PLSCR4: variants seen among roughly 807,000 people sequenced by gnomAD.
PLSCR4 encodes Ca(2+)-dependent phospholipid scramblase 4.
A neutral mutation model predicts 36.3 loss-of-function variants in PLSCR4; 25 were observed. The observed-to-expected ratio is 0.69, with a 90% confidence interval of 0.50 to 0.96. The LOEUF is 0.96. Ranked by LOEUF, PLSCR4 falls within the 40% of genes least tolerant of loss-of-function variation. The pLI is 0.00. For synonymous variants in PLSCR4, 122 were observed against 132.9 expected, an observed-to-expected ratio of 0.92 and a Z score of 0.56; for missense variants, 408 against 414.7, an observed-to-expected ratio of 0.98 and a Z score of 0.14.
At chr3:146,208,595 G>A (rs1223553440) in intron 3 of PLSCR4, among the ~76,000 whole-genome samples, 1 of 152,084 alleles carries the variant, frequency 6.6e-6, no homozygotes, top group Non-Finnish European at 1.5e-5. Flanking sequence ...ATCAAAAAGT[G>A]GGATAAGGAC....
At chr3:146,226,904 C>G (rs1309776103) in intron 1 of PLSCR4, among the ~76,000 whole-genome samples, 1 of 152,224 alleles carries the variant, frequency 6.6e-6, no homozygotes, top group Non-Finnish European at 1.5e-5. Flanking sequence ...TCACAAGTTT[C>G]AGATACTCGA....
At chr3:146,223,387 G>C (rs1243444495) in intron 1 of PLSCR4, among the ~76,000 whole-genome samples, 2 of 149,646 alleles carry the variant, frequency 1.3e-5, no homozygotes, top group Non-Finnish European at 1.5e-5. Context: ...TAGGCAAAGG[G>C]CCCAATTCTT....
At chr3:146,244,617 T>C (rs1275959523) in intron 1 of PLSCR4, among the ~76,000 whole-genome samples, 1 of 148,552 alleles carries the variant, frequency 6.7e-6, no homozygotes, top group East Asian at 1.9e-4. Context: ...CTATATAAGA[T>C]GGTGAACTTA....
intron 6 of PLSCR4, 53 bp from the exon 7 acceptor site, chr3:146,196,846 T>G (rs2033774165): frequency 1.3e-6 from 2 of 1,493,630 alleles, no homozygotes; most frequent in South Asian, 2.3e-5. Flanking sequence ...ACACATACAC[T>G]TACACATACG....
intron 5 of PLSCR4, among the ~76,000 whole-genome samples, chr3:146,200,556 T>C (rs1320202767): frequency 3.3e-5 from 5 of 152,098 alleles, no homozygotes; most frequent in Admixed American, 2.0e-4. Context: ...TCATTTTGAC[T>C]GAGATCTTTT....
intron 1 of PLSCR4, among the ~76,000 whole-genome samples, chr3:146,229,631 T>TTATG (rs1192572406): frequency 8.9e-5 from 13 of 145,274 alleles, no homozygotes; most frequent in Non-Finnish European, 6.0e-5. Context: ...ATTTATTTAT[T>TTATG]TATTTATTTA....
At chr3:146,207,095 G>A (rs560379848) in intron 3 of PLSCR4, among the ~76,000 whole-genome samples, 1 of 152,056 alleles carries the variant, frequency 6.6e-6, no homozygotes, top group Non-Finnish European at 1.5e-5. Context: ...ACCTAATGAG[G>A]TTGTAGTGGG....
intron 1 of PLSCR4, among the ~76,000 whole-genome samples, chr3:146,249,222 T>G (rs2036459398): frequency 6.6e-6 from 1 of 152,140 alleles, no homozygotes; most frequent in Non-Finnish European, 1.5e-5. Flanking sequence ...TTTTCCCACA[T>G]GCAATGTGCA....
At chr3:146,204,138 G>C (rs1005810210) in intron 4 of PLSCR4, among the ~76,000 whole-genome samples, 1 of 151,984 alleles carries the variant, frequency 6.6e-6, no homozygotes, top group Non-Finnish European at 1.5e-5. Flanking sequence ...TTAAGGGGTA[G>C]TTCTTTGACA....
intron 1 of PLSCR4, among the ~76,000 whole-genome samples, chr3:146,222,703 T>C (rs1463813907): frequency 1.3e-5 from 2 of 152,166 alleles, no homozygotes; most frequent in African/African-American, 2.4e-5. Context: ...CTGAAGGCCA[T>C]GGCAAGGGGT....
chr3:146,204,382 T>C (rs1244149829), intron 4 of PLSCR4, among the ~76,000 whole-genome samples: 2 of 152,042 alleles, frequency 1.3e-5, no homozygotes, highest in Non-Finnish European at 2.9e-5. Context: ...GACGGCCCTT[T>C]ATGTCAAAAA....
Position 146,200,024 on chromosome 3 carries a change from T to A in PLSCR4, c.413A>T (p.Glu138Val). Residue 138 changes from glutamate (E) to valine (V), a missense_variant, in exon 6 of 9, where the codon GAA becomes GTA. Coordinates refer to ENST00000354952, the MANE Select transcript of PLSCR4 (RefSeq NM_020353.3). ...TTTAATATCATATCTATTATTAGTT[T>A]CAAAACATGTCATCACTAAAAAATA... is the stretch of plus-strand genomic sequence containing the variant. ...FEPLEMMTCF[E>V]TNNRYDIKNN... 2 of 1,569,210 alleles carry A rather than the reference T, an allele frequency of 1.3e-6. No individual in the cohort carries two copies.
intron 3 of PLSCR4, among the ~76,000 whole-genome samples, chr3:146,211,726 T>A (rs993795500): frequency 6.6e-6 from 1 of 152,058 alleles, no homozygotes; most frequent in Non-Finnish European, 1.5e-5. Context: ...TCATTTAGAG[T>A]TTTTGTGTTT....
intron 6 of PLSCR4, among the ~76,000 whole-genome samples, chr3:146,197,459 CTT>C (rs2033810227): frequency 6.6e-6 from 1 of 151,980 alleles, no homozygotes; most frequent in South Asian, 2.1e-4. Flanking sequence ...GTTAAGCTGA[CTT>C]TTTAGATTTG....
chr3:146,198,990 T>C (rs956840939), intron 6 of PLSCR4, among the ~76,000 whole-genome samples: 7 of 152,110 alleles, frequency 4.6e-5, no homozygotes, highest in African/African-American at 1.7e-4. Flanking sequence ...AAAATGATCA[T>C]CCTATCCGAT....
At chr3:146,232,473 C>A (rs1237954512) in intron 1 of PLSCR4, among the ~76,000 whole-genome samples, 1 of 152,132 alleles carries the variant, frequency 6.6e-6, no homozygotes, top group African/African-American at 2.4e-5. Flanking sequence ...TATCCATGGG[C>A]ATGGAATGTT....
chr3:146,222,018 T>G, intron 2 of PLSCR4, 47 bp downstream of exon 2: 1 of 1,130,668 alleles, frequency 8.8e-7, no homozygotes, highest in Non-Finnish European at 1.2e-6. Context: ...ATCACAAAAT[T>G]CACATTTGAA....
intron 1 of PLSCR4, among the ~76,000 whole-genome samples, chr3:146,228,628 G>A (rs182140167): frequency 2.1e-4 from 32 of 152,178 alleles, no homozygotes; most frequent in Admixed American, 3.9e-4. Context: ...GATGTATCTT[G>A]TAGTAAACTT....
chr3:146,194,432 A>T lies in PLSCR4; in HGVS notation c.969T>A (p.Ser323=), dbSNP rs778244920. ...CTCTCTATCTTGAACGTTGTGGTGG[A>T]GATCTTTCAAAATACATGAAGTCCT... ...FLIDFMYFER[S]PPQRSR is the part of the protein sequence containing the mutation. Residue 323 remains serine (S), a synonymous_variant, in exon 9 of 9, where the codon TCT becomes TCA. Transcript: ENST00000354952. The T allele has an allele frequency of 8.7e-6, 14 of 1,606,594 alleles. No individual in the cohort carries two copies. Among genetic ancestry groups the T allele is most frequent in the African/African-American group, 4.0e-5 (3 of 74,734 alleles).
Sources: gnomAD v4.1 joint callset for allele counts (sites outside exome capture counted in the v4.1 genomes callset) on GRCh38, gnomAD v4.1.1 for gene constraint, MANE v1.5 for transcripts, NCBI Gene and HGNC (gene_info 2026-07-23, HGNC 2026-07-21) for gene names.